The following PRKN variants were observed in gnomAD, a reference collection of about 807,000 sequenced individuals.
The protein encoded by PRKN is E3 ubiquitin-protein ligase parkin.
A neutral mutation model predicts 59.5 loss-of-function variants in PRKN; 56 were observed. That is an observed-to-expected ratio of 0.94 (90% CI 0.76 to 1.18). The LOEUF is 1.18. Ranked by LOEUF, PRKN falls within the 50% of genes most tolerant of loss-of-function variation. The pLI, the probability that PRKN is intolerant of heterozygous loss-of-function variation, is 0.00. For missense variants in PRKN, 657 were observed against 596.4 expected (o/e 1.10, Z -1.06); for synonymous variants, 250 against 222.1 (o/e 1.13, Z -1.12).
At chr6:162,490,149 A>T in intron 1 of PRKN, among the ~76,000 whole-genome samples, 1 of 152,178 alleles carries the variant, frequency 6.6e-6, no homozygotes, top group East Asian at 1.9e-4. Flanking sequence ...AAAAGGACTT[A>T]AAACACTGCC....
At chr6:162,068,780 T>G (rs1018624701) in intron 4 of PRKN, among the ~76,000 whole-genome samples, 51 of 136,850 alleles carry the variant, frequency 3.7e-4, no homozygotes, top group Non-Finnish European at 7.5e-5. Context: ...TGTATTTTCT[T>G]GGTTAGAGAA....
chr6:161,991,928 C>T (rs1345620552), intron 5 of PRKN, among the ~76,000 whole-genome samples: 3 of 152,096 alleles, frequency 2.0e-5, no homozygotes, highest in African/African-American at 4.8e-5. Flanking sequence ...TATAAAAACA[C>T]ATAAAGATGA....
intron 1 of PRKN, among the ~76,000 whole-genome samples, chr6:162,550,329 G>A (rs73591889): frequency 0.015 from 2,258 of 152,252 alleles, 57 homozygotes; most frequent in African/African-American, 0.05. Context: ...GAAATAGAGC[G>A]TCTGGGGGCT....
intron 7 of PRKN, among the ~76,000 whole-genome samples, chr6:161,718,929 A>G (rs1357206205): frequency 2.0e-5 from 3 of 152,192 alleles, no homozygotes; most frequent in Non-Finnish European, 1.5e-5. Context: ...TCTCACAATT[A>G]TAGATAATCT....
intron 7 of PRKN, among the ~76,000 whole-genome samples, chr6:161,706,142 C>T (rs1182600335): frequency 6.6e-6 from 1 of 152,076 alleles, no homozygotes. Flanking sequence ...AATCTCTACC[C>T]ATTTCGATTC....
At chr6:161,607,472 T>C (rs554957700) in intron 7 of PRKN, among the ~76,000 whole-genome samples, 3 of 152,172 alleles carry the variant, frequency 2.0e-5, no homozygotes, top group African/African-American at 4.8e-5. Context: ...TTTCTTTGAA[T>C]AGATAAGATA....
chr6:161,489,503 T>C (rs1777465511), intron 9 of PRKN, among the ~76,000 whole-genome samples: 1 of 152,148 alleles, frequency 6.6e-6, no homozygotes, highest in Non-Finnish European at 1.5e-5. Context: ...GAGGTTGCAG[T>C]GAGCCAAGAT....
chr6:162,450,429 T>TAATCCCCCTGTGAATGTAAACGCCC (rs1562774367), intron 1 of PRKN, among the ~76,000 whole-genome samples: 6 of 150,648 alleles, frequency 4.0e-5, no homozygotes, highest in African/African-American at 1.5e-4. Flanking sequence ...CCTGTGATTG[T>TAATCCCCCTGTGAATGTAAACGCCC]CTTCCTCCTG....
chr6:162,153,539 T>A (rs1238975593), intron 4 of PRKN, among the ~76,000 whole-genome samples: 2 of 152,172 alleles, frequency 1.3e-5, no homozygotes, highest in Admixed American at 6.5e-5. Context: ...CAAAGGGGCA[T>A]TATAACAGCC....
chr6:162,127,034 C>A (rs1454885900), intron 4 of PRKN, among the ~76,000 whole-genome samples: 1 of 152,160 alleles, frequency 6.6e-6, no homozygotes, highest in East Asian at 1.9e-4. Context: ...GTGTCACATT[C>A]AATTACAAGC....
chr6:161,834,083 C>T (rs1261990788), intron 6 of PRKN, among the ~76,000 whole-genome samples: 1 of 152,074 alleles, frequency 6.6e-6, no homozygotes, highest in Non-Finnish European at 1.5e-5. Flanking sequence ...CGTGTAAGAG[C>T]AGCCGCTGGG....
chr6:162,205,516 T>A (rs1458902868), intron 3 of PRKN, among the ~76,000 whole-genome samples: 2 of 152,132 alleles, frequency 1.3e-5, no homozygotes, highest in Non-Finnish European at 2.9e-5. Flanking sequence ...GATAATTTGT[T>A]TTCTAGGTGG....
chr6:162,654,780 C>T (rs895662718), intron 1 of PRKN, among the ~76,000 whole-genome samples: 1 of 152,018 alleles, frequency 6.6e-6, no homozygotes, highest in East Asian at 1.9e-4. Flanking sequence ...ACAATCATGG[C>T]GGAAGGGGAA....
chr6:162,322,676 T>C (rs1205445983), intron 2 of PRKN, among the ~76,000 whole-genome samples: 1 of 152,134 alleles, frequency 6.6e-6, no homozygotes, highest in Non-Finnish European at 1.5e-5. Flanking sequence ...GCAATTTAAT[T>C]GATAAAGGAC....
At chr6:162,144,598 C>T (rs1057150758) in intron 4 of PRKN, among the ~76,000 whole-genome samples, 2 of 152,176 alleles carry the variant, frequency 1.3e-5, no homozygotes, top group Admixed American at 6.5e-5. Flanking sequence ...CCTATGGTCA[C>T]AGGCCCACCC....
At chr6:161,822,040 TA>T (rs1184844780) in intron 6 of PRKN, among the ~76,000 whole-genome samples, 1 of 152,164 alleles carries the variant, frequency 6.6e-6, no homozygotes, top group African/African-American at 2.4e-5. Flanking sequence ...GTTCACTTTT[TA>T]AGTTGCTTGG....
At chr6:162,315,158 G>A (rs12189990) in intron 2 of PRKN, among the ~76,000 whole-genome samples, 55,380 of 151,916 alleles carry the variant, frequency 0.36, 11,866 homozygotes, top group Non-Finnish European at 0.48. Flanking sequence ...CAAATGAAGT[G>A]TGTATAATTG....
intron 1 of PRKN, among the ~76,000 whole-genome samples, chr6:162,475,873 T>C (rs1191111572): frequency 2.0e-5 from 3 of 152,078 alleles, no homozygotes; most frequent in Non-Finnish European, 4.4e-5. Context: ...TGCCTCAGCC[T>C]CCCAAGTAGC....
At chr6:162,472,669 T>G (rs6913260) in intron 1 of PRKN, among the ~76,000 whole-genome samples, 12,515 of 124,676 alleles carry the variant, frequency 0.1, 3,158 homozygotes, top group African/African-American at 0.32. Context: ...TTTTTTGTAT[T>G]TTTAGTAGAG....
Sources: gnomAD v4.1 joint callset for allele counts (sites outside exome capture counted in the v4.1 genomes callset) on GRCh38, gnomAD v4.1.1 for gene constraint, MANE v1.5 for transcripts, NCBI Gene and HGNC (gene_info 2026-07-23, HGNC 2026-07-21) for gene names.